Variants in SPPL3 observed in about 807,000 individuals in gnomAD.
SPPL3 encodes the protein signal peptide peptidase like 3, also known as signal peptide peptidase-like 3.
A neutral mutation model predicts 42.4 loss-of-function variants in SPPL3; 5 were observed. The ratio of observed to expected loss-of-function variants is 0.12; its 90% CI spans 0.06 to 0.25. The LOEUF is 0.25. SPPL3 is among the 10% of genes least tolerant of loss of function. The pLI, the probability that SPPL3 is intolerant of heterozygous loss-of-function variation, is 1.00. For synonymous variants in SPPL3, 195 were observed against 181.8 expected (o/e 1.07, Z -0.58); for missense variants, 235 against 489.0 (o/e 0.48, Z 4.90).
intron 1 of SPPL3, among the ~76,000 whole-genome samples, chr12:120,894,790 A>G (rs61946372): frequency 0.02 from 3,059 of 152,214 alleles, 51 homozygotes; most frequent in Non-Finnish European, 0.029. Flanking sequence ...TACTAAAAAT[A>G]CAAAAAATTA....
intron 1 of SPPL3, among the ~76,000 whole-genome samples, chr12:120,889,975 GT>G (rs1873582557): frequency 6.6e-6 from 1 of 152,162 alleles, no homozygotes; most frequent in South Asian, 2.1e-4. Context: ...GCTGGGGGCG[GT>G]GGCTCACGCC....
intron 1 of SPPL3, among the ~76,000 whole-genome samples, chr12:120,884,605 G>A (rs1384901620): frequency 6.7e-6 from 1 of 148,788 alleles, no homozygotes; most frequent in Non-Finnish European, 1.5e-5. Flanking sequence ...AAACCTGAAA[G>A]ATATGCAACA....
At chr12:120,824,077 A>C (rs1871164223) in intron 1 of SPPL3, among the ~76,000 whole-genome samples, 1 of 151,932 alleles carries the variant, frequency 6.6e-6, no homozygotes, top group Non-Finnish European at 1.5e-5. Flanking sequence ...TCACGGTGTT[A>C]GCCAGGATGG....
intron 1 of SPPL3, among the ~76,000 whole-genome samples, chr12:120,892,703 C>T (rs574511414): frequency 6.6e-6 from 1 of 152,098 alleles, no homozygotes; most frequent in Non-Finnish European, 1.5e-5. Flanking sequence ...AAATTAGAGG[C>T]CAGGCGCGGT....
intron 1 of SPPL3, among the ~76,000 whole-genome samples, chr12:120,866,763 C>T (rs1025505266): frequency 1.3e-5 from 2 of 152,216 alleles, no homozygotes; most frequent in African/African-American, 4.8e-5. Flanking sequence ...TTTTGGCCAT[C>T]TCCAGTTATG....
At chr12:120,879,113 CAAA>C (rs63543261) in intron 1 of SPPL3, among the ~76,000 whole-genome samples, 15 of 65,140 alleles carry the variant, frequency 2.3e-4, no homozygotes, top group Admixed American at 6.7e-4. Flanking sequence ...AACTCTGTCT[CAAA>C]AAAAAAAAAA....
intron 1 of SPPL3, among the ~76,000 whole-genome samples, chr12:120,824,745 C>T (rs1335092261): frequency 1.3e-5 from 2 of 151,986 alleles, no homozygotes; most frequent in African/African-American, 4.8e-5. Flanking sequence ...GCCATATTAC[C>T]CAAGCTGGTC....
In SPPL3 at chr12:120,807,723, G is replaced by T. The variant is rs535369161; in HGVS notation, c.101+3086C>A. Among the ~76,000 whole-genome samples the T allele has an allele frequency of 1.6e-3, 245 of 151,420 alleles. 1 individual carries two copies. Among genetic ancestry groups the T allele is most frequent in the Non-Finnish European group, 2.8e-3 (192 of 67,830 alleles). ...GAAAGAAAAAGAACAAGGGAAAGGT[G>T]GTAAACTCAGCAGGAAAAAAACAAA... On this transcript the variant is annotated intron_variant, in intron 2 of 10. Coordinates refer to ENST00000353487, the MANE Select transcript of SPPL3 (RefSeq NM_139015.5).
At chr12:120,877,781 T>TAAAAAAAAAAA (rs201989284) in intron 1 of SPPL3, among the ~76,000 whole-genome samples, 1 of 130,138 alleles carries the variant, frequency 7.7e-6, no homozygotes, top group Non-Finnish European at 1.6e-5. Context: ...AACTCCGTCT[T>TAAAAAAAAAAA]AAAAAAAAAA....
At chr12:120,862,364 G>A (rs907710934) in intron 1 of SPPL3, among the ~76,000 whole-genome samples, 1 of 152,046 alleles carries the variant, frequency 6.6e-6, no homozygotes, top group African/African-American at 2.4e-5. Flanking sequence ...AGGTGTCACA[G>A]GCCCTGCATG....
intron 1 of SPPL3, among the ~76,000 whole-genome samples, chr12:120,839,358 T>G (rs1440306244): frequency 1.3e-5 from 1 of 76,006 alleles, no homozygotes; most frequent in African/African-American, 5.6e-5. Flanking sequence ...GGGCCTGTTG[T>G]GGGGTGGGGG....
chr12:120,878,468 A>C (rs1873181113), intron 1 of SPPL3, among the ~76,000 whole-genome samples: 1 of 152,250 alleles, frequency 6.6e-6, no homozygotes, highest in South Asian at 2.1e-4. Context: ...GTCTCAATTC[A>C]GCTGATAAAT....
intron 3 of SPPL3, among the ~76,000 whole-genome samples, chr12:120,789,077 C>T (rs1488300347): frequency 6.6e-6 from 1 of 152,180 alleles, no homozygotes; most frequent in East Asian, 1.9e-4. Context: ...CTGTCCTTAT[C>T]CTATTGGCAT....
intron 3 of SPPL3, among the ~76,000 whole-genome samples, chr12:120,784,852 T>C (rs557463660): frequency 4.6e-5 from 7 of 151,946 alleles, no homozygotes; most frequent in South Asian, 2.1e-4. Context: ...ACCATCTGGA[T>C]GACAGGATCC....
At chr12:120,770,837 C>A (rs938854370) in intron 6 of SPPL3, among the ~76,000 whole-genome samples, 2 of 152,202 alleles carry the variant, frequency 1.3e-5, no homozygotes, top group African/African-American at 4.8e-5. Context: ...TCTTGGAGCT[C>A]CAGACTCATA....
chr12:120,878,047 G>C (rs1873161088), intron 1 of SPPL3, among the ~76,000 whole-genome samples: 1 of 151,202 alleles, frequency 6.6e-6, no homozygotes, highest in Non-Finnish European at 1.5e-5. Context: ...TAATTAAACA[G>C]GAAAATAAAA....
intron 1 of SPPL3, among the ~76,000 whole-genome samples, chr12:120,897,330 A>G (rs1483124628): frequency 2.6e-5 from 4 of 152,236 alleles, no homozygotes; most frequent in Non-Finnish European, 4.4e-5. Context: ...ATTTAAATAT[A>G]AATTCATGGG....
intron 2 of SPPL3, among the ~76,000 whole-genome samples, chr12:120,809,570 A>C (rs1870612905): frequency 6.6e-6 from 1 of 152,198 alleles, no homozygotes; most frequent in African/African-American, 2.4e-5. Flanking sequence ...TTCCTTGAGC[A>C]GCATTTTCTG....
At chr12:120,877,443 A>G (rs1353449271) in intron 1 of SPPL3, among the ~76,000 whole-genome samples, 2 of 152,224 alleles carry the variant, frequency 1.3e-5, no homozygotes, top group Non-Finnish European at 2.9e-5. Context: ...GAGACATGAA[A>G]ATCTGTAACA....
Sources: gnomAD v4.1 joint callset for allele counts (sites outside exome capture counted in the v4.1 genomes callset) on GRCh38, gnomAD v4.1.1 for gene constraint, MANE v1.5 for transcripts, NCBI Gene and HGNC (gene_info 2026-07-23, HGNC 2026-07-21) for gene names.